Variants in ZFHX3 observed in about 807,000 individuals in gnomAD.
ZFHX3 encodes the protein zinc finger homeobox 3, also known as zinc finger homeobox protein 3.
ZFHX3 carries 42 observed loss-of-function variants against 279.1 expected under a neutral mutation model. The observed-to-expected ratio is 0.15, with a 90% CI of 0.12 to 0.19. The LOEUF (loss-of-function observed/expected upper bound fraction) is 0.19. Among genes scored for constraint, ZFHX3 ranks in the 10% least tolerant of loss-of-function variants. The pLI, the probability that ZFHX3 is intolerant of heterozygous loss-of-function variation, is 1.00. For synonymous variants in ZFHX3, 2,293 were observed against 1,957.8 expected (o/e 1.17, Z -4.52); for missense variants, 4,981 against 4,754.0 (o/e 1.05, Z -1.40).
At chr16:72,866,276 G>A (rs1416407665) in intron 4 of ZFHX3, among the ~76,000 whole-genome samples, 1 of 152,204 alleles carries the variant, frequency 6.6e-6, no homozygotes, top group Non-Finnish European at 1.5e-5. Flanking sequence ...TCCACACTAA[G>A]TATAATGACA....
chr16:73,517,018 A>G (rs532514583), intron 2 of ZFHX3, among the ~76,000 whole-genome samples: 37 of 152,286 alleles, frequency 2.4e-4, no homozygotes, highest in Non-Finnish European at 4.6e-4. Flanking sequence ...TAGGGTAATT[A>G]TTCCTTTCAA....
intron 1 of ZFHX3, among the ~76,000 whole-genome samples, chr16:73,724,340 A>C (rs2142241315): frequency 1.3e-5 from 2 of 152,362 alleles, no homozygotes; most frequent in Middle Eastern, 6.8e-3. Context: ...TTACTAGAAC[A>C]AGATTTGCAA....
At position 72,782,980 on chromosome 16, in the gene ZFHX3, CAACTT is replaced by C. The variant is rs1249323218; in HGVS notation, c.*4179_*4183del. The C allele has an allele frequency of 6.6e-6, 1 of 152,488 alleles. No homozygotes were observed. Among genetic ancestry groups the C allele is most frequent in the Non-Finnish European group, 1.5e-5 (1 of 68,010 alleles). The allele number at this position is 152,488 out of a possible 1,614,324, so 9.4% of individuals were successfully genotyped here. On this transcript the variant is annotated 3_prime_UTR_variant, in exon 10 of 10. Transcript: ENST00000268489. ...AGTATATTCAATTACCATCTACAAT[CAACTT>C]AACTATGACAACAAAGTTTTTGTGA...
chr16:73,556,550 A>T (rs1033229732), intron 2 of ZFHX3, among the ~76,000 whole-genome samples: 6 of 152,140 alleles, frequency 3.9e-5, no homozygotes, highest in Non-Finnish European at 8.8e-5. Flanking sequence ...ACGGCACCAA[A>T]GATGGAAGCT....
chr16:73,145,772 G>A (rs901632585), intron 5 of ZFHX3, among the ~76,000 whole-genome samples: 1 of 152,194 alleles, frequency 6.6e-6, no homozygotes, highest in Non-Finnish European at 1.5e-5. Context: ...ACCTCGTATT[G>A]TCTGTTGAAT....
chr16:72,858,866 C>T lies in ZFHX3; in HGVS notation c.3449-29007G>A, dbSNP rs1033088352. On this transcript the variant is annotated intron_variant, in intron 4 of 9. Coordinates refer to ENST00000268489, the MANE Select transcript of ZFHX3 (RefSeq NM_006885.4). ...CTGGCCTCCCTTCTGGAAAGCCGGC[C>T]GGGTCTCCTGCTCAGCTTCAGGCCA... is the stretch of plus-strand genomic sequence containing the variant. Among the ~76,000 whole-genome samples the T allele has an allele frequency of 2.6e-5, 4 of 152,332 alleles. No individual in the cohort carries two copies. The East Asian group carries it at 7.7e-4, about 29-fold the overall frequency.
chr16:73,200,949 C>A (rs990738718), intron 5 of ZFHX3, among the ~76,000 whole-genome samples: 3 of 152,162 alleles, frequency 2.0e-5, no homozygotes, highest in Non-Finnish European at 2.9e-5. Context: ...TTGTAATGAA[C>A]ATGGTGCTTG....
intron 1 of ZFHX3, among the ~76,000 whole-genome samples, chr16:73,716,705 G>C (rs1485382169): frequency 2.6e-5 from 4 of 151,908 alleles, no homozygotes; most frequent in Non-Finnish European, 5.9e-5. Flanking sequence ...GAACCGGTCC[G>C]AGCGTGCAGG....
At chr16:73,642,801 G>A (rs563256485) in intron 2 of ZFHX3, among the ~76,000 whole-genome samples, 6 of 152,246 alleles carry the variant, frequency 3.9e-5, no homozygotes, top group African/African-American at 1.4e-4. Context: ...GCCTCTAAAG[G>A]TTATTCAAGT....
At chr16:73,721,745 T>C (rs1465780841) in intron 1 of ZFHX3, among the ~76,000 whole-genome samples, 2 of 152,152 alleles carry the variant, frequency 1.3e-5, no homozygotes, top group African/African-American at 4.8e-5. Context: ...TTAGCAGTTA[T>C]AAACAATACC....
intron 3 of ZFHX3, among the ~76,000 whole-genome samples, chr16:72,912,965 C>T (rs970167825): frequency 1.1e-4 from 17 of 152,162 alleles, no homozygotes; most frequent in Admixed American, 3.3e-4. Context: ...CCTCATGATC[C>T]GCCTACCTCA....
chr16:73,358,250 C>T (rs2016377678), intron 3 of ZFHX3, among the ~76,000 whole-genome samples: 1 of 152,236 alleles, frequency 6.6e-6, no homozygotes, highest in East Asian at 1.9e-4. Flanking sequence ...GTGGGCTGGA[C>T]TTAGTGAACC....
At chr16:73,832,312 T>A (rs887805885) in intron 1 of ZFHX3, among the ~76,000 whole-genome samples, 1 of 152,022 alleles carries the variant, frequency 6.6e-6, no homozygotes, top group Non-Finnish European at 1.5e-5. Context: ...TCCTCACACA[T>A]CCTGAAAAGT....
chr16:73,440,210 G>T (rs1436901833), intron 3 of ZFHX3, among the ~76,000 whole-genome samples: 1 of 152,198 alleles, frequency 6.6e-6, no homozygotes, highest in Non-Finnish European at 1.5e-5. Context: ...GACACCTCCA[G>T]TTTCCAAATT....
chr16:73,788,577 G>A (rs1421355919), intron 1 of ZFHX3, among the ~76,000 whole-genome samples: 1 of 152,132 alleles, frequency 6.6e-6, no homozygotes, highest in East Asian at 1.9e-4. Flanking sequence ...GGAGAGCAGA[G>A]GTTATGCTTT....
chr16:73,247,758 T>G (rs1410700571), intron 5 of ZFHX3, among the ~76,000 whole-genome samples: 1 of 152,104 alleles, frequency 6.6e-6, no homozygotes, highest in Non-Finnish European at 1.5e-5. Context: ...AGTGTATGAG[T>G]GTGTATATAC....
At chr16:73,248,569 G>A (rs1267515770) in intron 5 of ZFHX3, among the ~76,000 whole-genome samples, 2 of 151,596 alleles carry the variant, frequency 1.3e-5, no homozygotes, top group East Asian at 3.9e-4. Context: ...TATAAAATGT[G>A]TCTGTGTGTA....
At chr16:73,877,564 G>A (rs549681795) in intron 1 of ZFHX3, among the ~76,000 whole-genome samples, 27 of 152,174 alleles carry the variant, frequency 1.8e-4, no homozygotes, top group African/African-American at 6.3e-4. Context: ...ATCTTTTTGA[G>A]CTAACAGCCA....
intron 5 of ZFHX3, among the ~76,000 whole-genome samples, chr16:73,147,763 C>T (rs1044910677): frequency 2.7e-5 from 4 of 149,026 alleles, no homozygotes; most frequent in Non-Finnish European, 4.4e-5. Context: ...CCAGCTATTC[C>T]GGAGGCCGAG....
Sources: gnomAD v4.1 joint callset for allele counts (sites outside exome capture counted in the v4.1 genomes callset) on GRCh38, gnomAD v4.1.1 for gene constraint, MANE v1.5 for transcripts, NCBI Gene and HGNC (gene_info 2026-07-23, HGNC 2026-07-21) for gene names.